Variants in MOK observed in about 807,000 individuals in gnomAD.
MOK encodes MOK protein kinase, also known as MAPK/MAK/MRK overlapping kinase.
A neutral mutation model predicts 54.2 loss-of-function variants in MOK; 59 were observed. The observed-to-expected ratio is 1.09, with a 90% CI of 0.88 to 1.35. The LOEUF is 1.35. Ranked by LOEUF, MOK falls within the 40% of genes most tolerant of loss-of-function variation. MOK has a pLI of 0.00. For synonymous variants in MOK, 210 were observed against 202.7 expected, an observed-to-expected ratio of 1.04 and a Z score of -0.31; for missense variants, 517 against 526.2, an observed-to-expected ratio of 0.98 and a Z score of 0.17.
chr14:102,224,455 A>T, downstream of MOK: 1 of 398,528 alleles, frequency 2.5e-6, no homozygotes, highest in Non-Finnish European at 5.0e-6. Context: ...GCTACCAAGC[A>T]GAAGAATGTT....
chr14:102,235,145 T>G lies in MOK; in HGVS notation c.591-1356A>C, dbSNP rs2065103804. 1 of 151,868 alleles carries G rather than the reference T, an allele frequency of 6.6e-6. No individual in the cohort carries two copies. Among genetic ancestry groups the G allele is most frequent in the South Asian group, 2.1e-4 (1 of 4,790 alleles). 9.4% of individuals were successfully genotyped at this position (151,868 alleles called of 1,614,324 possible). A position where few individuals can be genotyped will look rare whatever the true frequency, so the allele number is the denominator to read the frequency against. ...CCACCCCACCTCCGACTCTGAGTCC[T>G]CCCCATCTCCACCCCTTACTCGTTC... On this transcript the variant is annotated intron_variant, in intron 7 of 11. Transcript: ENST00000361847. This position sits in a 1 kb window ranked among gnomAD's most constrained non-coding sequence, Gnocchi z 4.4.
Position 102,232,584 on chromosome 14 carries a change from T to C in MOK, c.817A>G (p.Arg273Gly). 2 of 1,613,880 alleles carry C rather than the reference T, an allele frequency of 1.2e-6. No individual in the cohort carries two copies. The highest frequency in any genetic ancestry group is 1.7e-6 in the Non-Finnish European group (2 of 1,179,886). Reference protein sequence around the residue: ...HAMVAYDPDERIAAHQALQHP... With the variant: ...HAMVAYDPDEGIAAHQALQHP... The stretch of plus-strand genomic sequence containing the variant: ...TGCAGGGCCTGGTGGGCGGCGATTC[T>C]CTCATCGGGATCATAGGCCACCATT... The change falls in exon 9 of 12, where the codon AGA becomes GGA. Residue 273 changes from arginine to glycine, a missense_variant. Arg to Gly is a moderately radical substitution (Grantham distance 125). Coordinates refer to ENST00000361847, the MANE Select transcript of MOK (RefSeq NM_014226.3). This position sits in a 1 kb window ranked among gnomAD's most constrained non-coding sequence, Gnocchi z 5.1.
chr14:102,239,806 T>TTGCA (rs925946845), intron 7 of MOK, among the ~76,000 whole-genome samples: 8 of 151,876 alleles, frequency 5.3e-5, no homozygotes, highest in African/African-American at 1.9e-4. Context: ...GAGGCAAAGG[T>TTGCA]TGCAGTGAGC....
intron 2 of MOK, among the ~76,000 whole-genome samples, chr14:102,279,028 C>A (rs2069148862): frequency 6.6e-6 from 1 of 152,098 alleles, no homozygotes; most frequent in African/African-American, 2.4e-5. Context: ...AAGAAAGAAA[C>A]AGAGGCACGG....
In MOK at chr14:102,235,621, GA is replaced by G. The variant is rs1394098822; in HGVS notation, c.591-1833del. 6.6e-6 allele frequency: 1 copy of G among 152,132 alleles called. No individual in the cohort carries two copies. Among genetic ancestry groups the G allele is most frequent in the Non-Finnish European group, 1.5e-5 (1 of 68,044 alleles). The allele number at this position is 152,132 out of a possible 1,614,324, so 9.4% of individuals were successfully genotyped here. Reference sequence around the variant, plus strand: ...AACTGCCCATAAGGCTGTAAATTTCGAAAAACTCAAAGGAATCTCCCAAAAG... The same window carrying G: ...AACTGCCCATAAGGCTGTAAATTTCGAAAACTCAAAGGAATCTCCCAAAAG... On this transcript the variant is annotated intron_variant, in intron 7 of 11. Transcript: ENST00000361847. This position sits in a 1 kb window ranked among gnomAD's most constrained non-coding sequence, Gnocchi z 4.4.
At chr14:102,247,986 C>T (rs906160067) in intron 7 of MOK, among the ~76,000 whole-genome samples, 5 of 152,174 alleles carry the variant, frequency 3.3e-5, no homozygotes, top group East Asian at 1.9e-4. Context: ...AGGACCGTAT[C>T]GGAGCCTTCA....
intron 1 of MOK, 52 bp downstream of exon 1, chr14:102,304,910 C>T: frequency 1.9e-6 from 3 of 1,539,370 alleles, no homozygotes; most frequent in Non-Finnish European, 2.7e-6. Context: ...CAGTCCCTCC[C>T]TCCCCCGCCA....
Position 102,236,658 on chromosome 14 carries a change from T to C in MOK, c.591-2869A>G, listed in dbSNP as rs1461038702. On this transcript the variant is annotated intron_variant, in intron 7 of 11. Transcript: ENST00000361847. The surrounding 1 kb of genome is among the most constrained non-coding windows in gnomAD (Gnocchi z 4.5). ...CCCCAGTACCCACTTCCCACCTCTT[T>C]TGTAAACCCAACAGGGTGGGACACC... Among the ~76,000 whole-genome samples the C allele has an allele frequency of 6.7e-6, 1 of 149,856 alleles. No homozygotes were observed. The highest frequency in any genetic ancestry group is 2.5e-5 in the African/African-American group (1 of 39,860).
chr14:102,286,912 A>AAATAATAAT lies in MOK; in HGVS notation c.8-3329_8-3321dup, dbSNP rs56108099. On this transcript the variant is annotated intron_variant, in intron 1 of 11. Coordinates refer to ENST00000361847, the MANE Select transcript of MOK (RefSeq NM_014226.3). ...GCAACAAAGTGAGACTCCGTCTCAA[A>AAATAATAAT]AATAATAATAATAATAATAATAATA... Among the ~76,000 whole-genome samples the AAATAATAAT allele has an allele frequency of 5.7e-3, 826 of 145,496 alleles. 3 individuals carry two copies. Among genetic ancestry groups the AAATAATAAT allele is most frequent in the South Asian group, 0.014 (64 of 4,580 alleles).
chr14:102,244,712 A>T (rs1463781094), intron 7 of MOK, among the ~76,000 whole-genome samples: 1 of 152,196 alleles, frequency 6.6e-6, no homozygotes, highest in Non-Finnish European at 1.5e-5. Flanking sequence ...GGTCAAAAAA[A>T]GGCCACCGTG....
intron 2 of MOK, among the ~76,000 whole-genome samples, chr14:102,272,025 C>A (rs1004770714): frequency 6.6e-6 from 1 of 151,804 alleles, no homozygotes; most frequent in East Asian, 1.9e-4. Context: ...ACCACAGGTG[C>A]CTGCCACCAT....
chr14:102,224,886 G>A, downstream of MOK: 3 of 434,412 alleles, frequency 6.9e-6, no homozygotes, highest in South Asian at 5.0e-5. Flanking sequence ...AGTGACCTCT[G>A]TATTAAAATA....
rs2069434224 is a variant in MOK, at chr14:102,281,516, AG to A, written c.122+1961del. Among the ~76,000 whole-genome samples, 3 of 148,966 alleles carry A rather than the reference AG, an allele frequency of 2.0e-5. No individual in the cohort carries two copies. In the South Asian group the frequency reaches 6.3e-4, roughly 31 times the overall value. The stretch of plus-strand genomic sequence containing the variant: ...CCTGACTCAAAAAAAAAAAAAAAAA[AG>A]AAAAAAAAAAGCATCACACCCTACT... On this transcript the variant is annotated intron_variant, in intron 2 of 11. Coordinates refer to ENST00000361847, the MANE Select transcript of MOK (RefSeq NM_014226.3).
At chr14:102,248,182 CT>C in intron 7 of MOK, among the ~76,000 whole-genome samples, 1 of 152,216 alleles carries the variant, frequency 6.6e-6, no homozygotes, top group Non-Finnish European at 1.5e-5. Context: ...CCCAAAAAAG[CT>C]TCTTGGTGCT....
Position 102,249,205 on chromosome 14 carries a change from A to G in MOK, c.590+1607T>C, listed in dbSNP as rs1251512128. On this transcript the variant is annotated intron_variant, in intron 7 of 11. Coordinates refer to ENST00000361847, the MANE Select transcript of MOK (RefSeq NM_014226.3). The surrounding 1 kb of genome is among the most constrained non-coding windows in gnomAD (Gnocchi z 5.3). ...TCTAAGAGGCAAAAGACAGATCCAC[A>G]TTCCGTCATCTGTTCAGCATGATGT... Among the ~76,000 whole-genome samples, 2 of 152,208 alleles carry G rather than the reference A, an allele frequency of 1.3e-5. No homozygotes were observed.
In MOK at chr14:102,257,200, G is replaced by C. The variant is rs1383182307; in HGVS notation, c.284-5205C>G. 2.0e-5 allele frequency among the ~76,000 whole-genome samples: 3 copies of C among 151,844 alleles called. No individual in the cohort carries two copies. In the East Asian group the frequency reaches 5.8e-4, roughly 29 times the overall value. On this transcript the variant is annotated intron_variant, in intron 4 of 11. Coordinates refer to ENST00000361847, the MANE Select transcript of MOK (RefSeq NM_014226.3). Reference sequence around the variant, plus strand: ...AGGCTCTGCCTAAATGGGAACACTTGGGAAAGATGCTTCTGGCCCAGGTAT... The same window carrying C: ...AGGCTCTGCCTAAATGGGAACACTTCGGAAAGATGCTTCTGGCCCAGGTAT...
chr14:102,243,937 C>T (rs1271627944), intron 7 of MOK, among the ~76,000 whole-genome samples: 1 of 152,192 alleles, frequency 6.6e-6, no homozygotes, highest in African/African-American at 2.4e-5. Flanking sequence ...GCAAGCCAAA[C>T]TCATTGCTTT....
rs2069126487 is a variant in MOK at position 102,278,792 on chromosome 14, T to C, written c.122+4686A>G. 6.8e-6 allele frequency: 3 copies of C among 439,246 alleles called. No individual in the cohort carries two copies. In the Admixed American group the frequency reaches 7.3e-5, roughly 11 times the overall value. 27.2% of individuals were successfully genotyped at this position (439,246 alleles called of 1,614,324 possible). Reference sequence around the variant, plus strand: ...CTAGTACTGTTCATGACACCAGATATGTAGTGAACAACTGCGGTAATCTTA... The same window carrying C: ...CTAGTACTGTTCATGACACCAGATACGTAGTGAACAACTGCGGTAATCTTA... On this transcript the variant is annotated intron_variant, in intron 2 of 11. Coordinates refer to ENST00000361847, the MANE Select transcript of MOK (RefSeq NM_014226.3).
At chr14:102,224,932 G>C (rs2064181870), downstream of MOK, 2 of 390,364 alleles carry the variant, frequency 5.1e-6, no homozygotes, top group Admixed American at 3.1e-5. Context: ...TGGTATTTCT[G>C]TCATCTTAAA....
Sources: allele counts gnomAD v4.1 joint callset (sites outside exome capture counted in the v4.1 genomes callset), GRCh38; gene constraint gnomAD v4.1.1; non-coding constraint Gnocchi (gnomAD v3.1); transcripts MANE v1.5; gene names NCBI Gene and HGNC (gene_info 2026-07-23, HGNC 2026-07-21).